Variants in CFAP54 observed in about 807,000 individuals in gnomAD.
The protein encoded by CFAP54 is cilia- and flagella-associated protein 54.
In CFAP54, 290 loss-of-function variants were observed where a neutral mutation model predicts 370.4. That is an observed-to-expected ratio of 0.78 (90% CI 0.71 to 0.86). The LOEUF (loss-of-function observed/expected upper bound fraction) is 0.86. Ranked by LOEUF, CFAP54 falls within the 40% of genes least tolerant of loss-of-function variation. CFAP54 has a pLI of 0.00. For missense variants in CFAP54, 3,399 were observed against 3,528.7 expected (o/e 0.96, Z 0.93); for synonymous variants, 1,206 against 1,236.5 (o/e 0.98, Z 0.52).
chr12:96,528,899 A>G (rs761596506), intron 9 of CFAP54, among the ~76,000 whole-genome samples: 3 of 152,182 alleles, frequency 2.0e-5, no homozygotes, highest in African/African-American at 4.8e-5. Context: ...TATTATTTAC[A>G]TTAAATGCAT....
chr12:96,676,679 G>T (rs2069253802), intron 39 of CFAP54, among the ~76,000 whole-genome samples: 1 of 152,116 alleles, frequency 6.6e-6, no homozygotes, highest in South Asian at 2.1e-4. Flanking sequence ...CTGAGTAGCT[G>T]GGACTACAGG....
chr12:96,654,170 A>G (rs116080402), intron 36 of CFAP54, among the ~76,000 whole-genome samples: 344 of 151,520 alleles, frequency 2.3e-3, no homozygotes, highest in African/African-American at 8.1e-3. Flanking sequence ...GCAAACACAC[A>G]TGGAAGAAAT....
At chr12:96,580,515 A>G (rs1178891195) in intron 20 of CFAP54, 82 bp from the exon 21 acceptor site, 11 of 721,030 alleles carry the variant, frequency 1.5e-5, no homozygotes, top group African/African-American at 1.1e-4. Flanking sequence ...GAATCATTAC[A>G]TTTTTATTTA....
intron 64 of CFAP54, among the ~76,000 whole-genome samples, chr12:96,813,673 C>T (rs1592779162): frequency 6.6e-6 from 1 of 152,230 alleles, no homozygotes; most frequent in Non-Finnish European, 1.5e-5. Context: ...TCCTTGCCTA[C>T]TGTCTCTGCC....
intron 17 of CFAP54, among the ~76,000 whole-genome samples, chr12:96,559,385 C>T (rs1955791735): frequency 6.6e-6 from 1 of 152,082 alleles, no homozygotes; most frequent in South Asian, 2.1e-4. Context: ...AATATATACA[C>T]CTACTATGTA....
chr12:96,556,733 C>A (rs1449529113), intron 17 of CFAP54, among the ~76,000 whole-genome samples: 1 of 152,120 alleles, frequency 6.6e-6, no homozygotes, highest in East Asian at 1.9e-4. Context: ...TAAAAAGGAA[C>A]AAGATCATAT....
At chr12:96,682,365 T>C (rs1485516851) in intron 40 of CFAP54, 3 of 976,436 alleles carry the variant, frequency 3.1e-6, no homozygotes, top group African/African-American at 3.5e-5. Context: ...GTACTCATTT[T>C]CTTTAAATTT....
intron 66 of CFAP54, among the ~76,000 whole-genome samples, chr12:96,857,164 G>T (rs995396837): frequency 6.6e-6 from 1 of 152,078 alleles, no homozygotes; most frequent in Admixed American, 6.6e-5. Context: ...ACCTCCCACC[G>T]GGTCCCTCCC....
intron 64 of CFAP54, among the ~76,000 whole-genome samples, chr12:96,817,412 A>G (rs1358591035): frequency 6.6e-6 from 1 of 150,418 alleles, no homozygotes; most frequent in Non-Finnish European, 1.5e-5. Context: ...TTGATGCTGC[A>G]AATAAATACC....
chr12:96,500,867 C>T lies in CFAP54; in HGVS notation c.351C>T (p.Tyr117=), dbSNP rs1347211404. Residue 117 remains tyrosine, a synonymous_variant, in exon 2 of 68, where the codon TAC becomes TAT. Transcript: ENST00000524981. ...ATSLFNIWTK[Y]APRLPADYYN... ...CTTTGTTTAATATCTGGACTAAATA[C>T]GCCCCCAGGCTGCCAGCAGACTATT... is the stretch of plus-strand genomic sequence containing the variant. 5.9e-6 allele frequency: 9 copies of T among 1,520,262 alleles called. No homozygotes were observed. The highest frequency in any genetic ancestry group is 2.0e-5 in the Admixed American group (1 of 50,458). The allele number at this position is 1,520,262 out of a possible 1,614,324, so 94.2% of individuals were successfully genotyped here. A position where few individuals can be genotyped will look rare whatever the true frequency, so the allele number is the denominator to read the frequency against.
chr12:96,862,205 G>A (rs1959896262), intron 67 of CFAP54, among the ~76,000 whole-genome samples: 1 of 137,414 alleles, frequency 7.3e-6, no homozygotes, highest in African/African-American at 3.4e-5. Flanking sequence ...ATATGTAGAG[G>A]AAACAAGCCT....
At chr12:96,860,556 G>A (rs956293924) in intron 66 of CFAP54, among the ~76,000 whole-genome samples, 12 of 152,130 alleles carry the variant, frequency 7.9e-5, no homozygotes, top group Non-Finnish European at 1.3e-4. Context: ...AGGGCCAAAA[G>A]TCTTACATTT....
At chr12:96,810,911 GGAA>G (rs1210926482) in intron 63 of CFAP54, among the ~76,000 whole-genome samples, 1 of 152,084 alleles carries the variant, frequency 6.6e-6, no homozygotes, top group African/African-American at 2.4e-5. Flanking sequence ...TACGTCTTTT[GGAA>G]GAAGTTTTCT....
intron 67 of CFAP54, among the ~76,000 whole-genome samples, chr12:96,863,858 G>A (rs1959940473): frequency 6.6e-6 from 1 of 151,534 alleles, no homozygotes; most frequent in African/African-American, 2.4e-5. Context: ...TTATTCTTGA[G>A]TGTTGTTTTG....
intron 19 of CFAP54, among the ~76,000 whole-genome samples, chr12:96,565,433 G>A (rs961665653): frequency 2.0e-5 from 3 of 152,070 alleles, no homozygotes; most frequent in African/African-American, 7.2e-5. Context: ...CAGACCCTTA[G>A]TATGCTGGCA....
intron 61 of CFAP54, 127 bp downstream of exon 61, chr12:96,785,017 T>C: frequency 1.4e-6 from 1 of 726,258 alleles, no homozygotes; most frequent in Admixed American, 3.8e-5. Flanking sequence ...AAGATGAAAA[T>C]TTCATGGGTT....
At chr12:96,868,943 C>T (rs1960079400) in intron 67 of CFAP54, among the ~76,000 whole-genome samples, 1 of 152,166 alleles carries the variant, frequency 6.6e-6, no homozygotes, top group African/African-American at 2.4e-5. Flanking sequence ...TCCTGGTACT[C>T]ATTCCAGCAA....
intron 26 of CFAP54, 132 bp downstream of exon 26, chr12:96,598,899 G>T (rs917311213): frequency 1.0e-5 from 4 of 399,162 alleles, no homozygotes; most frequent in Middle Eastern, 6.4e-4. Context: ...AAAAGCAAAT[G>T]TAGAGGCCAA....
chr12:96,614,950 G>C (rs543070542), intron 26 of CFAP54, among the ~76,000 whole-genome samples: 1 of 152,274 alleles, frequency 6.6e-6, no homozygotes, highest in East Asian at 1.9e-4. Flanking sequence ...GTAATTTATA[G>C]ATTCAATGCC....
Sources: allele counts gnomAD v4.1 joint callset (sites outside exome capture counted in the v4.1 genomes callset), GRCh38; gene constraint gnomAD v4.1.1; transcripts MANE v1.5; gene names NCBI Gene and HGNC (gene_info 2026-07-23, HGNC 2026-07-21).